Variants in CHIC1 observed in about 807,000 individuals in gnomAD.
The protein encoded by CHIC1 is cysteine-rich hydrophobic domain-containing protein 1.
CHIC1 carries 7 observed loss-of-function variants against 18.5 expected under a neutral mutation model. That is an observed-to-expected ratio of 0.38 (90% CI 0.22 to 0.71). The LOEUF (loss-of-function observed/expected upper bound fraction) is 0.71. Among genes scored for constraint, CHIC1 ranks in the 30% least tolerant of loss-of-function variants. CHIC1 has a pLI of 0.49. For synonymous variants in CHIC1, 77 were observed against 73.5 expected (o/e 1.05, Z -0.25); for missense variants, 159 against 176.9 (o/e 0.90, Z 0.57).
At chrX:73,640,712 T>C (rs1267483864) in intron 3 of CHIC1, among the ~76,000 whole-genome samples, 2 of 111,954 alleles carry the variant, frequency 1.8e-5, no homozygotes, top group East Asian at 5.6e-4. Context: ...CCCTTTGTTA[T>C]TTCTAATTGT....
At chrX:73,621,199 T>C (rs1281341937) in intron 3 of CHIC1, among the ~76,000 whole-genome samples, 1 of 111,892 alleles carries the variant, frequency 8.9e-6, no homozygotes, top group African/African-American at 3.2e-5. Flanking sequence ...TTTGGTTCCA[T>C]ATGAAATTTA....
chrX:73,643,403 G>A (rs1023347092), intron 3 of CHIC1, among the ~76,000 whole-genome samples: 13 of 110,339 alleles, frequency 1.2e-4, no homozygotes, highest in Non-Finnish European at 2.3e-4. Flanking sequence ...TCCTGAATCT[G>A]AATGTTAGCC....
intron 3 of CHIC1, among the ~76,000 whole-genome samples, chrX:73,677,504 G>T (rs954198145): frequency 6.3e-5 from 7 of 111,654 alleles, no homozygotes; most frequent in African/African-American, 2.3e-4. Flanking sequence ...TGCTAGCAAT[G>T]TGTGAGACCC....
chrX:73,617,050 C>T (rs1025719902), intron 3 of CHIC1, among the ~76,000 whole-genome samples: 1 of 112,240 alleles, frequency 8.9e-6, no homozygotes, highest in Non-Finnish European at 1.9e-5. Flanking sequence ...TGCTGTTTCC[C>T]TTTTAAAAGT....
intron 3 of CHIC1, among the ~76,000 whole-genome samples, chrX:73,597,529 C>A (rs1318110647): frequency 4.7e-5 from 5 of 107,252 alleles, no homozygotes; most frequent in Non-Finnish European, 9.6e-5. Context: ...TGGGCTTAGG[C>A]ATTATATCTT....
At chrX:73,588,462 G>T (rs867910208) in intron 3 of CHIC1, among the ~76,000 whole-genome samples, 1 of 111,042 alleles carries the variant, frequency 9.0e-6, no homozygotes, top group Non-Finnish European at 1.9e-5. Flanking sequence ...AAATTCAGTC[G>T]CATTAACTAC....
At chrX:73,679,210 T>C (rs1362445736) in intron 3 of CHIC1, 116 bp from the exon 4 acceptor site, 4 of 472,614 alleles carry the variant, frequency 8.5e-6, no homozygotes, top group Non-Finnish European at 1.1e-5. Context: ...TCATTTCTAA[T>C]AGAAAAACAA....
intron 3 of CHIC1, among the ~76,000 whole-genome samples, chrX:73,640,369 A>T (rs1161092076): frequency 1.8e-5 from 2 of 112,135 alleles, no homozygotes; most frequent in African/African-American, 6.5e-5. Flanking sequence ...CTTGCATCCC[A>T]GGGATAAATC....
At chrX:73,577,573 C>T in intron 2 of CHIC1, 112 bp downstream of exon 2, 1 of 562,410 alleles carries the variant, frequency 1.8e-6, no homozygotes, top group Non-Finnish European at 2.9e-6. Flanking sequence ...TAATAGGAGG[C>T]CTCAGTAGTT....
At chrX:73,676,685 C>T (rs766435858) in intron 3 of CHIC1, among the ~76,000 whole-genome samples, 2 of 111,435 alleles carry the variant, frequency 1.8e-5, no homozygotes, top group African/African-American at 3.3e-5. Flanking sequence ...GAATTTCCTC[C>T]GGTAACTCAG....
chrX:73,563,835 G>A (rs1308538204), intron 1 of CHIC1, among the ~76,000 whole-genome samples: 1 of 111,110 alleles, frequency 9.0e-6, no homozygotes, highest in Non-Finnish European at 1.9e-5. Flanking sequence ...TTGGGAGCCA[G>A]AGCGATTGGA....
intron 2 of CHIC1, 111 bp downstream of exon 2, chrX:73,577,572 G>C: frequency 3.5e-6 from 2 of 566,681 alleles, no homozygotes; most frequent in South Asian, 3.6e-5. Context: ...GTAATAGGAG[G>C]CCTCAGTAGT....
At chrX:73,644,410 C>G (rs1031175566) in intron 3 of CHIC1, among the ~76,000 whole-genome samples, 6 of 112,385 alleles carry the variant, frequency 5.3e-5, no homozygotes, top group Non-Finnish European at 1.1e-4. Flanking sequence ...CTCTTCAAAG[C>G]TGTCAGACAG....
At chrX:73,586,527 A>G (rs1230230214) in intron 3 of CHIC1, among the ~76,000 whole-genome samples, 1 of 111,725 alleles carries the variant, frequency 9.0e-6, no homozygotes, top group African/African-American at 3.2e-5. Flanking sequence ...GAATTTTTAT[A>G]CATTCACTAC....
intron 3 of CHIC1, among the ~76,000 whole-genome samples, chrX:73,672,129 TG>T (rs1036059227): frequency 8.9e-6 from 1 of 112,146 alleles, no homozygotes; most frequent in Non-Finnish European, 1.9e-5. Context: ...TAGTATTCCA[TG>T]GTGTATATGT....
intron 5 of CHIC1, among the ~76,000 whole-genome samples, chrX:73,680,725 G>T (rs1207314385): frequency 9.0e-6 from 1 of 110,934 alleles, no homozygotes; most frequent in African/African-American, 3.3e-5. Flanking sequence ...AGTAAAATCT[G>T]TTAGCTACAA....
intron 3 of CHIC1, among the ~76,000 whole-genome samples, chrX:73,606,248 A>T (rs2057683189): frequency 9.5e-6 from 1 of 105,407 alleles, no homozygotes; most frequent in South Asian, 4.1e-4. Context: ...TCAATCTCTG[A>T]TATCCTTTCT....
In CHIC1 at chrX:73,584,503, G is replaced by C. The variant is rs752183577; in HGVS notation, c.438G>C (p.Leu146=). 2 of 1,169,857 alleles carry C rather than the reference G, an allele frequency of 1.7e-6. No homozygotes were observed. The highest frequency in any genetic ancestry group is 3.2e-5 in the East Asian group (1 of 31,176). ...KALPVNVKWL[L]CGCLCCCCTL... ...TCCCGGTCAATGTGAAATGGCTGCT[G>C]TGTGGTTGTCTCTGCTGCTGTTGCA... The change falls in exon 3 of 6, where the codon CTG becomes CTC. Residue 146 remains leucine, a synonymous_variant. Transcript: ENST00000373502.
At chrX:73,578,610 T>A (rs914579824) in intron 2 of CHIC1, 2 of 110,318 alleles carry the variant, frequency 1.8e-5, no homozygotes, top group African/African-American at 6.5e-5. Context: ...ATTCTCATAT[T>A]GTTGGTGAGA....
Sources: gnomAD v4.1 joint callset for allele counts (sites outside exome capture counted in the v4.1 genomes callset) on GRCh38, gnomAD v4.1.1 for gene constraint, MANE v1.5 for transcripts, NCBI Gene and HGNC (gene_info 2026-07-23, HGNC 2026-07-21) for gene names.